The following FADS2 variants were observed in gnomAD, a reference collection of about 807,000 sequenced individuals.
The protein encoded by FADS2 is acyl-CoA 6-desaturase.
A neutral mutation model predicts 61.2 loss-of-function variants in FADS2; 18 were observed. That is an observed-to-expected ratio of 0.29 (90% CI 0.20 to 0.44). FADS2 has a LOEUF of 0.44. Among genes scored for constraint, FADS2 ranks in the 20% least tolerant of loss-of-function variants. The probability of loss-of-function intolerance (pLI) is 1.00; values close to 1 mark genes in which losing one functional copy is unlikely to be tolerated. For missense variants in FADS2, 322 were observed against 572.7 expected, an observed-to-expected ratio of 0.56 and a Z score of 4.47; for synonymous variants, 203 against 223.9, an observed-to-expected ratio of 0.91 and a Z score of 0.83.
intron 7 of FADS2, among the ~76,000 whole-genome samples, chr11:61,859,944 T>G (rs1397106004): frequency 1.3e-5 from 2 of 151,790 alleles, no homozygotes; most frequent in African/African-American, 2.4e-5. Context: ...AACTTCTTTT[T>G]TTTGTTTGTT....
intron 7 of FADS2, chr11:61,862,657 G>T: frequency 2.8e-6 from 1 of 353,496 alleles, no homozygotes; most frequent in South Asian, 3.1e-5. Context: ...CTTCAGAATC[G>T]CCCTTGCCCC....
rs756777034 is a variant in FADS2 at position 61,816,538 on chromosome 11, C to A, written c.141+112C>A. 1 of 1,597,802 alleles carries A rather than the reference C, an allele frequency of 6.3e-7. No individual in the cohort carries two copies. Among genetic ancestry groups the A allele is most frequent in the South Asian group, 1.1e-5 (1 of 89,200 alleles). On this transcript the variant is annotated intron_variant, in intron 1 of 11. Coordinates refer to the FADS2 transcript ENST00000257261. This position sits in a 1 kb window ranked among gnomAD's most constrained non-coding sequence, Gnocchi z 7.0. ...CCGGTCCCGCCCTCTCCTGTGCCCC[C>A]GCCTGGCTGCGCTCACCGTGGCATC...
At chr11:61,841,390 T>C (rs2067215526) in intron 4 of FADS2, among the ~76,000 whole-genome samples, 1 of 151,682 alleles carries the variant, frequency 6.6e-6, no homozygotes, top group South Asian at 2.1e-4. Flanking sequence ...TTCCTTTCAC[T>C]GGGGATGTGA....
chr11:61,866,180 G>T lies in FADS2; in HGVS notation c.*491G>T, dbSNP rs74956064. On this transcript the variant is annotated 3_prime_UTR_variant, in exon 12 of 12. Coordinates refer to ENST00000278840, the MANE Select transcript of FADS2 (RefSeq NM_004265.4). The stretch of plus-strand genomic sequence containing the variant: ...CCGGCCTGGCTTCACTCTCCCTGAC[G>T]GCTGCCATTGGTCCACCCTTTCATA... 2.5e-6 allele frequency: 1 copy of T among 397,670 alleles called. No homozygotes were observed. The highest frequency in any genetic ancestry group is 4.4e-6 in the Non-Finnish European group (1 of 226,020). The allele number at this position is 397,670 out of a possible 1,614,324, so 24.6% of individuals were successfully genotyped here.
rs373144076 is a variant in FADS2, at chr11:61,837,893, G to A, written c.318+5G>A. 1 of 1,607,198 alleles carries A rather than the reference G, an allele frequency of 6.2e-7. No individual in the cohort carries two copies. ...AGCCAGGACCACGGCAAGAACGTAA[G>A]TCTGGCTTGCAACCTGGGTGGGGGT... On this transcript the variant is annotated splice_donor_5th_base_variant and intron_variant, in intron 2 of 11. Coordinates refer to ENST00000278840, the MANE Select transcript of FADS2 (RefSeq NM_004265.4).
chr11:61,862,670 G>A (rs577109142), intron 7 of FADS2: 34 of 390,484 alleles, frequency 8.7e-5, no homozygotes, highest in African/African-American at 3.7e-4. Context: ...CTTGCCCCAC[G>A]AGAGGGCTGC....
intron 4 of FADS2, chr11:61,847,271 G>A (rs894453183): frequency 6.6e-6 from 1 of 152,002 alleles, no homozygotes; most frequent in African/African-American, 2.4e-5. Context: ...AATGACTTTT[G>A]GTATATTCAC....
intron 5 of FADS2, among the ~76,000 whole-genome samples, chr11:61,851,291 C>T (rs959610608): frequency 1.3e-5 from 2 of 152,178 alleles, no homozygotes; most frequent in African/African-American, 2.4e-5. Flanking sequence ...GGCAAGAAGG[C>T]GTCTTTCTTG....
At chr11:61,852,607 G>A (rs11607437) in intron 5 of FADS2, among the ~76,000 whole-genome samples, 4,641 of 152,216 alleles carry the variant, frequency 0.03, 122 homozygotes, top group Non-Finnish European at 0.046. Context: ...CTTTTAAAAC[G>A]CAATCCTTAT....
At chr11:61,848,717 C>G in intron 5 of FADS2, 1 of 169,278 alleles carries the variant, frequency 5.9e-6, no homozygotes, top group Non-Finnish European at 1.3e-5. Flanking sequence ...AGCAGGAAGG[C>G]AAGATTTCAG....
At position 61,828,848 on chromosome 11, in the gene FADS2, GGCAA is replaced by G; in HGVS notation, c.207+255_207+258del. 1 of 479,822 alleles carries G rather than the reference GGCAA, an allele frequency of 2.1e-6. No individual in the cohort carries two copies. Among genetic ancestry groups the G allele is most frequent in the South Asian group, 2.5e-5 (1 of 39,524 alleles). The allele number at this position is 479,822 out of a possible 1,614,324, so 29.7% of individuals were successfully genotyped here. A position where few individuals can be genotyped will look rare whatever the true frequency, so the allele number is the denominator to read the frequency against. ...TGAAAGTCCCAGCGGTGGAGAACAGGGCAAGCATCTACCGCGCGCGCCGGGACCC... is the reference window on the plus strand; with the variant it reads ...TGAAAGTCCCAGCGGTGGAGAACAGGGCATCTACCGCGCGCGCCGGGACCC... On this transcript the variant is annotated intron_variant, in intron 1 of 11. Coordinates refer to ENST00000278840, the MANE Select transcript of FADS2 (RefSeq NM_004265.4). The surrounding 1 kb of genome is among the most constrained non-coding windows in gnomAD (Gnocchi z 6.4).
chr11:61,826,648 A>G (rs2067088778), upstream of FADS2: 1 of 536,734 alleles, frequency 1.9e-6, no homozygotes, highest in Non-Finnish European at 3.3e-6. Flanking sequence ...ATGTCTGCTC[A>G]CACTCAAAGA....
intron 4 of FADS2, among the ~76,000 whole-genome samples, chr11:61,846,405 T>C (rs969080176): frequency 1.4e-5 from 2 of 145,070 alleles, no homozygotes; most frequent in Non-Finnish European, 3.0e-5. Flanking sequence ...TTTCACTCTC[T>C]GACTTTTTTT....
At chr11:61,856,913 A>G (rs2067363885) in intron 5 of FADS2, 98 bp from the exon 6 acceptor site, 4 of 972,044 alleles carry the variant, frequency 4.1e-6, no homozygotes, top group Non-Finnish European at 6.7e-6. Flanking sequence ...GTGTGCCCTG[A>G]GCAGATAGAA....
intron 5 of FADS2, chr11:61,855,222 G>T (rs961960993): frequency 2.0e-5 from 3 of 152,452 alleles, no homozygotes; most frequent in African/African-American, 7.2e-5. Flanking sequence ...CAGCCCGAGA[G>T]GGATGGGATG....
rs1251258253 is a variant in FADS2 at position 61,866,053 on chromosome 11, C to A, written c.*364C>A. Reference sequence around the variant, plus strand: ...GTCCATGGGTCTGGCCTGTGAGTCTCCCCTTGCAGCCTGGTCACTAGGCAT... The same window carrying A: ...GTCCATGGGTCTGGCCTGTGAGTCTACCCTTGCAGCCTGGTCACTAGGCAT... On this transcript the variant is annotated 3_prime_UTR_variant, in exon 12 of 12. Transcript: ENST00000278840. 4.9e-6 allele frequency: 2 copies of A among 409,844 alleles called. No individual in the cohort carries two copies. The highest frequency in any genetic ancestry group is 8.6e-6 in the Non-Finnish European group (2 of 232,682). The allele number at this position is 409,844 out of a possible 1,614,324, so 25.4% of individuals were successfully genotyped here. A position where few individuals can be genotyped will look rare whatever the true frequency, so the allele number is the denominator to read the frequency against.
At chr11:61,833,962 G>A (rs902994527) in intron 1 of FADS2, among the ~76,000 whole-genome samples, 37 of 152,184 alleles carry the variant, frequency 2.4e-4, no homozygotes, top group Admixed American at 1.0e-3. Flanking sequence ...CTTCCCAACT[G>A]GGGTTTATGC....
chr11:61,831,479 C>T (rs913569959), intron 1 of FADS2, among the ~76,000 whole-genome samples: 7 of 152,100 alleles, frequency 4.6e-5, no homozygotes, highest in Non-Finnish European at 7.4e-5. Context: ...AAGCCATTCT[C>T]GGGACAATCA....
upstream of FADS2, among the ~76,000 whole-genome samples, chr11:61,824,240 G>A (rs964873078): frequency 6.6e-6 from 1 of 151,790 alleles, no homozygotes; most frequent in South Asian, 2.1e-4. Flanking sequence ...AATTAGCTGG[G>A]TGTGGTGGCA....
Sources: allele counts gnomAD v4.1 joint callset (sites outside exome capture counted in the v4.1 genomes callset), GRCh38; gene constraint gnomAD v4.1.1; non-coding constraint Gnocchi (gnomAD v3.1); transcripts MANE v1.5; gene names NCBI Gene and HGNC (gene_info 2026-07-23, HGNC 2026-07-21).